Variants in RAD54L2 observed in about 807,000 individuals in gnomAD.
RAD54L2 encodes the protein RAD54 like 2, also known as helicase ARIP4.
In RAD54L2, 27 loss-of-function variants were observed where a neutral mutation model predicts 138.4. That is an observed-to-expected ratio of 0.20 (90% confidence interval 0.14 to 0.27). The LOEUF is 0.27. Ranked by LOEUF, RAD54L2 falls within the 10% of genes least tolerant of loss-of-function variation. The pLI, the probability that RAD54L2 is intolerant of heterozygous loss-of-function variation, is 1.00. For synonymous variants in RAD54L2, 644 were observed against 723.2 expected (o/e 0.89, Z 1.76); for missense variants, 1,396 against 1,890.2 (o/e 0.74, Z 4.85).
At position 51,657,508 on chromosome 3, in the gene RAD54L2, G is replaced by A. The variant is rs144560426; in HGVS notation, c.3227-72G>A. ...CAATGAAGAACTGGGGTAGATGTGG[G>A]ACTTTGCAATTTTCCCCCCTCCTTC... On this transcript the variant is annotated intron_variant, in intron 20 of 22. Transcript: ENST00000684192. 30 of 993,950 alleles carry A rather than the reference G, an allele frequency of 3.0e-5. No individual in the cohort carries two copies. In the African/African-American group the frequency reaches 3.7e-4, roughly 12 times the overall value. 61.6% of individuals were successfully genotyped at this position (993,950 alleles called of 1,614,324 possible).
At position 51,653,389 on chromosome 3, in the gene RAD54L2, T is replaced by G. The variant is rs560295622; in HGVS notation, c.3027-2582T>G. 2.1e-3 allele frequency among the ~76,000 whole-genome samples: 321 copies of G among 152,338 alleles called. 1 individual carries two copies. Among genetic ancestry groups the G allele is most frequent in the Non-Finnish European group, 3.2e-3 (218 of 68,024 alleles). On this transcript the variant is annotated intron_variant, in intron 19 of 22. Transcript: ENST00000684192. ...ACAGTGTGGTGATTCCTCAAGGATC[T>G]AGAACTAGAAATACCATTTGACCCA...
intron 2 of RAD54L2, among the ~76,000 whole-genome samples, chr3:51,552,489 C>G (rs1698863068): frequency 1.3e-5 from 2 of 151,642 alleles, no homozygotes; most frequent in Non-Finnish European, 2.9e-5. Flanking sequence ...TTCTCCATCT[C>G]CTGACCTCAT....
intron 3 of RAD54L2, chr3:51,611,305 A>G (rs1008863285): frequency 1.3e-5 from 2 of 150,324 alleles, no homozygotes; most frequent in African/African-American, 4.9e-5. Context: ...AGGTGTATAT[A>G]TTTATGGAGT....
intron 2 of RAD54L2, among the ~76,000 whole-genome samples, chr3:51,563,782 T>A (rs780686469): frequency 6.6e-6 from 1 of 152,206 alleles, no homozygotes; most frequent in African/African-American, 2.4e-5. Flanking sequence ...AAGTGTTGAC[T>A]CTCACTGACA....
chr3:51,629,622 G>A, intron 5 of RAD54L2, 149 bp downstream of exon 5: 3 of 1,054,280 alleles, frequency 2.8e-6, no homozygotes, highest in Non-Finnish European at 4.0e-6. Flanking sequence ...ATTATGGGAG[G>A]CTGAGGCAGA....
rs139671246 is a variant in RAD54L2, at chr3:51,551,333, A to G, written c.-55+9683A>G. 3.7e-3 allele frequency among the ~76,000 whole-genome samples: 564 copies of G among 151,648 alleles called. 3 individuals carry two copies. The highest frequency in any genetic ancestry group is 0.02 in the South Asian group (97 of 4,808). ...TTCTTTGTAGAGATGGGGTTTTTCT[A>G]TGTTTCCCAGGCTGGTCTTGAACTC... On this transcript the variant is annotated intron_variant, in intron 2 of 22. Transcript: ENST00000684192.
intron 2 of RAD54L2, among the ~76,000 whole-genome samples, chr3:51,544,747 T>C (rs1553671905): frequency 1.3e-5 from 2 of 152,132 alleles, no homozygotes; most frequent in African/African-American, 4.8e-5. Flanking sequence ...ACTGGGACTA[T>C]AGGTGCGCCA....
chr3:51,625,196 A>G (rs1577434398), intron 3 of RAD54L2, among the ~76,000 whole-genome samples: 1 of 152,314 alleles, frequency 6.6e-6, no homozygotes, highest in Admixed American at 6.5e-5. Context: ...AAGTGGGTGG[A>G]TCACTTGAGG....
At chr3:51,640,137 G>T in intron 14 of RAD54L2, 138 bp downstream of exon 14, 1 of 625,658 alleles carries the variant, frequency 1.6e-6, no homozygotes, top group Non-Finnish European at 2.8e-6. Context: ...CTGTCTCTTG[G>T]AGTTTCTTTC....
chr3:51,604,511 A>G (rs1160019953), intron 3 of RAD54L2, among the ~76,000 whole-genome samples: 3 of 152,190 alleles, frequency 2.0e-5, no homozygotes, highest in African/African-American at 7.2e-5. Flanking sequence ...GGCTTAGAGC[A>G]TGGACCTTGT....
chr3:51,634,160 A>ATCACTTTC (rs1700918965), intron 9 of RAD54L2, 125 bp downstream of exon 9: 1 of 1,253,162 alleles, frequency 8.0e-7, no homozygotes, highest in South Asian at 1.6e-5. Context: ...TTCCTGATGT[A>ATCACTTTC]TCACTTTCTC....
At chr3:51,563,290 A>G (rs1287162829) in intron 2 of RAD54L2, among the ~76,000 whole-genome samples, 2 of 152,224 alleles carry the variant, frequency 1.3e-5, no homozygotes, top group African/African-American at 2.4e-5. Flanking sequence ...TAACAAGAGC[A>G]TGTTTAGATT....
At chr3:51,596,639 C>T (rs1699968444) in intron 3 of RAD54L2, among the ~76,000 whole-genome samples, 1 of 152,164 alleles carries the variant, frequency 6.6e-6, no homozygotes, top group African/African-American at 2.4e-5. Flanking sequence ...CTACCACTTG[C>T]ATTTCTTTTA....
intron 3 of RAD54L2, among the ~76,000 whole-genome samples, chr3:51,598,094 G>GATAT (rs369698349): frequency 1.9e-4 from 27 of 144,540 alleles, no homozygotes; most frequent in East Asian, 4.0e-4. Flanking sequence ...AAATACCCAT[G>GATAT]ATATATATAT....
intron 2 of RAD54L2, among the ~76,000 whole-genome samples, chr3:51,580,032 C>T (rs1306232584): frequency 6.6e-6 from 1 of 152,068 alleles, no homozygotes; most frequent in Non-Finnish European, 1.5e-5. Flanking sequence ...CAACAGTATT[C>T]AATTCTGACA....
At chr3:51,628,336 A>T (rs1253086322) in intron 4 of RAD54L2, among the ~76,000 whole-genome samples, 1 of 151,498 alleles carries the variant, frequency 6.6e-6, no homozygotes, top group Non-Finnish European at 1.5e-5. Flanking sequence ...TATTACTCTG[A>T]GTTTGAAAAT....
chr3:51,657,678 C>T lies in RAD54L2; in HGVS notation c.3316+9C>T. 2 of 1,539,062 alleles carry T rather than the reference C, an allele frequency of 1.3e-6. No homozygotes were observed. Among genetic ancestry groups the T allele is most frequent in the Non-Finnish European group, 1.8e-6 (2 of 1,129,960 alleles). The stretch of plus-strand genomic sequence containing the variant: ...CATCCGTGGGACAAAAGGTAAGAGC[C>T]TGACCAAGGACCTGTTCCCTGCCTT... On this transcript the variant is annotated intron_variant, in intron 21 of 22. Coordinates refer to ENST00000684192, the MANE Select transcript of RAD54L2 (RefSeq NM_015106.4).
chr3:51,631,682 G>A (rs776102960), intron 7 of RAD54L2, among the ~76,000 whole-genome samples: 17 of 151,504 alleles, frequency 1.1e-4, no homozygotes, highest in Non-Finnish European at 1.0e-4. Flanking sequence ...TTGCTCTGTC[G>A]CCCAGGCTGG....
At chr3:51,640,616 G>A (rs1701107452) in intron 14 of RAD54L2, among the ~76,000 whole-genome samples, 1 of 152,232 alleles carries the variant, frequency 6.6e-6, no homozygotes, top group African/African-American at 2.4e-5. Flanking sequence ...AGGAGCCTCA[G>A]AGTGAGGGCT....
Sources: allele counts gnomAD v4.1 joint callset (sites outside exome capture counted in the v4.1 genomes callset), GRCh38; gene constraint gnomAD v4.1.1; transcripts MANE v1.5; gene names NCBI Gene and HGNC (gene_info 2026-07-23, HGNC 2026-07-21).